The following SOCS2 variants were observed in gnomAD, a reference collection of about 807,000 sequenced individuals.
The protein encoded by SOCS2 is CIS-2.
SOCS2 carries 10 observed loss-of-function variants against 18.6 expected under a neutral mutation model. That is an observed-to-expected ratio of 0.54 (90% CI 0.33 to 0.91). The LOEUF (loss-of-function observed/expected upper bound fraction) is 0.91, where lower values mean the gene tolerates loss of function less well. Ranked by LOEUF, SOCS2 falls within the 40% of genes least tolerant of loss-of-function variation. The probability of loss-of-function intolerance (pLI) is 0.02; values close to 1 mark genes in which losing one functional copy is unlikely to be tolerated. For synonymous variants in SOCS2, 104 were observed against 104.0 expected (o/e 1.00, Z 0.00); for missense variants, 231 against 247.2 (o/e 0.93, Z 0.44).
At chr12:93,595,973 T>A in the SOCS2 span, among the ~76,000 whole-genome samples, 1 of 152,290 alleles carries the variant, frequency 6.6e-6, no homozygotes, top group Non-Finnish European at 1.5e-5. Flanking sequence ...CAGTCATAAT[T>A]TTATTGAATT....
At chr12:93,596,169 T>C in the SOCS2 span, among the ~76,000 whole-genome samples, 1 of 152,240 alleles carries the variant, frequency 6.6e-6, no homozygotes, top group Non-Finnish European at 1.5e-5. Context: ...GCTGTGTTTC[T>C]TGACTTTTAG....
upstream of SOCS2, chr12:93,571,771 A>T (rs1954261237): frequency 2.9e-6 from 1 of 342,368 alleles, no homozygotes; most frequent in Non-Finnish European, 5.8e-6. Flanking sequence ...CCCAAATTAA[A>T]CGTTAACGGG....
chr12:93,574,765 A>G lies in SOCS2; in HGVS notation c.183A>G (p.Lys61=), dbSNP rs1954406277. The change falls in exon 2 of 2, where the codon AAA becomes AAG. Residue 61 remains lysine, a synonymous_variant. Transcript: ENST00000551556. ...GSMTVNEAKE[K]LKEAPEGTFL... is the part of the protein sequence containing the mutation. ...TGACTGTTAATGAAGCCAAAGAGAA[A>G]TTAAAAGAGGCACCAGAAGGAACTT... 1 of 1,613,940 alleles carries G rather than the reference A, an allele frequency of 6.2e-7. No individual in the cohort carries two copies. Among genetic ancestry groups the G allele is most frequent in the Admixed American group, 1.7e-5 (1 of 59,962 alleles).
At chr12:93,588,383 T>C (rs968226231), downstream of SOCS2, among the ~76,000 whole-genome samples, 5 of 152,348 alleles carry the variant, frequency 3.3e-5, no homozygotes, top group African/African-American at 1.2e-4. Flanking sequence ...AATAATTTGA[T>C]ATTTACATTT....
the SOCS2 span, among the ~76,000 whole-genome samples, chr12:93,610,769 T>C: frequency 6.6e-6 from 1 of 152,170 alleles, no homozygotes; most frequent in Non-Finnish European, 1.5e-5. Context: ...GTGCCATCTT[T>C]GTAGCAGAGA....
At chr12:93,591,430 T>C in the SOCS2 span, among the ~76,000 whole-genome samples, 1 of 152,166 alleles carries the variant, frequency 6.6e-6, no homozygotes, top group East Asian at 1.9e-4. Flanking sequence ...CGTTCGTGTG[T>C]GGCTGTCTGT....
chr12:93,593,254 G>A, the SOCS2 span, among the ~76,000 whole-genome samples: 1 of 152,170 alleles, frequency 6.6e-6, no homozygotes, highest in Non-Finnish European at 1.5e-5. Flanking sequence ...CCTGCCTCCA[G>A]TGGGATAGCT....
the SOCS2 span, among the ~76,000 whole-genome samples, chr12:93,614,536 C>CTTTCTTTCTCTTTCTTTCTTTCTTTCT: frequency 1.6e-5 from 1 of 60,920 alleles, no homozygotes; most frequent in African/African-American, 9.5e-5. Flanking sequence ...TCCTTCCTTC[C>CTTTCTTTCTCTTTCTTTCTTTCTTTCT]TTCCTTCTTT....
chr12:93,619,140 TGTTTG>T, the SOCS2 span, among the ~76,000 whole-genome samples: 3 of 152,178 alleles, frequency 2.0e-5, no homozygotes, highest in Non-Finnish European at 2.9e-5. Flanking sequence ...TGCAGAGCTG[TGTTTG>T]GAGATGGTAA....
the SOCS2 span, among the ~76,000 whole-genome samples, chr12:93,605,412 A>G: frequency 6.6e-6 from 1 of 152,218 alleles, no homozygotes; most frequent in Non-Finnish European, 1.5e-5. Flanking sequence ...CCTGTCAGAA[A>G]TTGGGTGGAT....
the SOCS2 span, among the ~76,000 whole-genome samples, chr12:93,606,977 T>C: frequency 6.6e-6 from 1 of 152,326 alleles, no homozygotes; most frequent in African/African-American, 2.4e-5. Context: ...CAAGGAATTC[T>C]GTGACACTTA....
the SOCS2 span, among the ~76,000 whole-genome samples, chr12:93,594,813 T>C: frequency 6.6e-6 from 1 of 152,178 alleles, no homozygotes; most frequent in Non-Finnish European, 1.5e-5. Flanking sequence ...AGGTCATTGA[T>C]CTTTGTGTTT....
downstream of SOCS2, among the ~76,000 whole-genome samples, chr12:93,586,672 C>T (rs557930348): frequency 1.6e-4 from 24 of 151,838 alleles, no homozygotes; most frequent in African/African-American, 5.1e-4. Context: ...TTTTTTCCTT[C>T]GTTCAGTTTT....
chr12:93,572,773 C>A lies in SOCS2; in HGVS notation c.-125C>A. The stretch of plus-strand genomic sequence containing the variant: ...AAGAGCCCCATCCCTTCTCTCTCTG[C>A]CACCATTTCGGACACCCCGCAGGGA... On this transcript the variant is annotated 5_prime_UTR_variant, in exon 1 of 2. Transcript: ENST00000551556. The surrounding 1 kb of genome is among the most constrained non-coding windows in gnomAD (Gnocchi z 5.0). 8.2e-7 allele frequency: 1 copy of A among 1,224,520 alleles called. No homozygotes were observed. Among genetic ancestry groups the A allele is most frequent in the Non-Finnish European group, 1.2e-6 (1 of 857,410 alleles). The allele number at this position is 1,224,520 out of a possible 1,614,324, so 75.9% of individuals were successfully genotyped here. A position where few individuals can be genotyped will look rare whatever the true frequency, so the allele number is the denominator to read the frequency against.
At chr12:93,624,513 A>G in the SOCS2 span, among the ~76,000 whole-genome samples, 2 of 152,096 alleles carry the variant, frequency 1.3e-5, no homozygotes, top group South Asian at 4.1e-4. Flanking sequence ...CGGAGGTTGT[A>G]GTGAGCCGAG....
At chr12:93,616,668 G>T in the SOCS2 span, among the ~76,000 whole-genome samples, 1 of 152,198 alleles carries the variant, frequency 6.6e-6, no homozygotes, top group East Asian at 1.9e-4. Context: ...ACAATGGGCT[G>T]CATTTCAATG....
chr12:93,592,111 T>G, the SOCS2 span, among the ~76,000 whole-genome samples: 6 of 152,228 alleles, frequency 3.9e-5, no homozygotes. Context: ...GAGGTAACTA[T>G]TATTAAAAGT....
chr12:93,585,850 A>C (rs1954581765), downstream of SOCS2, among the ~76,000 whole-genome samples: 1 of 152,118 alleles, frequency 6.6e-6, no homozygotes, highest in Non-Finnish European at 1.5e-5. Flanking sequence ...GGATACCAAA[A>C]TCTGAAGATG....
the SOCS2 span, among the ~76,000 whole-genome samples, chr12:93,608,363 G>A: frequency 6.6e-5 from 10 of 152,034 alleles, no homozygotes; most frequent in Non-Finnish European, 1.3e-4. Flanking sequence ...TTTGATGAAT[G>A]TATATAGGAG....
Sources: gnomAD v4.1 joint callset for allele counts (sites outside exome capture counted in the v4.1 genomes callset) on GRCh38, gnomAD v4.1.1 for gene constraint, Gnocchi (gnomAD v3.1) non-coding constraint, MANE v1.5 for transcripts, NCBI Gene and HGNC (gene_info 2026-07-23, HGNC 2026-07-21) for gene names.